Variants in RBM17 observed in about 807,000 individuals in gnomAD.
RBM17 encodes splicing factor 45.
Under a neutral mutation model 53.2 loss-of-function variants are expected in RBM17, and 7 were observed. The observed-to-expected ratio is 0.13, with a 90% confidence interval of 0.07 to 0.25. RBM17 has a LOEUF of 0.25. RBM17 is among the 10% of genes least tolerant of loss of function. RBM17 has a pLI of 1.00. For synonymous variants in RBM17, 167 were observed against 178.1 expected (o/e 0.94, Z 0.50); for missense variants, 257 against 496.7 (o/e 0.52, Z 4.59).
intron 5 of RBM17, chr10:6,108,397 G>GTT: frequency 2.3e-6 from 1 of 430,254 alleles, no homozygotes; most frequent in Admixed American, 4.4e-5. Context: ...GGTTCTCTTG[G>GTT]TTGTATTGTT....
chr10:6,097,847 G>A (rs1840598897), intron 2 of RBM17, among the ~76,000 whole-genome samples: 1 of 152,176 alleles, frequency 6.6e-6, no homozygotes, highest in Admixed American at 6.5e-5. Flanking sequence ...CCCAGGAGTG[G>A]GAATTTTTAA....
In RBM17 at chr10:6,098,556, GTTTTTTGTTTTTT is replaced by G. The variant is rs376601888; in HGVS notation, c.123+1375_123+1387del. 7.7e-3 allele frequency among the ~76,000 whole-genome samples: 678 copies of G among 87,886 alleles called. 62 individuals are homozygous for G. The highest frequency in any genetic ancestry group is 0.026 in the African/African-American group (632 of 24,720). The allele number at this position is 87,886 out of a possible 152,430, so 57.7% of individuals were successfully genotyped here. A position where few individuals can be genotyped will look rare whatever the true frequency, so the allele number is the denominator to read the frequency against. ...GTTTGAAAATTTCCGTAATACACAG[GTTTTTTGTTTTTT>G]TTTTTTTTTTTTTTTTTTTTTTTTG... On this transcript the variant is annotated intron_variant, in intron 2 of 11. Coordinates refer to ENST00000379888, the MANE Select transcript of RBM17 (RefSeq NM_032905.5).
rs1028936023 is a variant in RBM17, at chr10:6,110,093, A to T, written c.670A>T (p.Thr224Ser). The T allele has an allele frequency of 8.1e-6, 13 of 1,610,778 alleles. No homozygotes were observed. The highest frequency in any genetic ancestry group is 1.0e-5 in the Non-Finnish European group (12 of 1,178,316). ...GGAACAAGACAGACCGAGATCTCCA[A>T]CCGGACCTAGCAACTCCTTCCTCGC... ...YEEQDRPRSP[T>S]GPSNSFLANM... The change falls in exon 7 of 12, where the codon ACC (threonine) becomes TCC (serine). Residue 224 changes from threonine (T) to serine (S), a missense_variant. Around this residue, in one of 6 missense-constraint regions of RBM17, gnomAD observed 68 missense variants for 60.0 expected, o/e 1.13. Coordinates refer to ENST00000379888, the MANE Select transcript of RBM17 (RefSeq NM_032905.5).
intron 3 of RBM17, 67 bp from the exon 4 acceptor site, chr10:6,104,864 C>T: frequency 7.1e-7 from 1 of 1,399,466 alleles, no homozygotes; most frequent in South Asian, 1.2e-5. Context: ...TACGCTTTGA[C>T]CTGAATCCTG....
intron 10 of RBM17, chr10:6,115,013 C>T (rs1840894065): frequency 1.9e-6 from 1 of 517,110 alleles, no homozygotes; most frequent in Non-Finnish European, 3.4e-6. Flanking sequence ...AGGTCAGAGA[C>T]TGCCTAGCCC....
intron 1 of RBM17, among the ~76,000 whole-genome samples, chr10:6,094,929 G>A (rs1190828913): frequency 2.6e-5 from 4 of 152,176 alleles, no homozygotes; most frequent in African/African-American, 9.6e-5. Context: ...TTAGTCTGGG[G>A]ATAGAGCAGT....
At chr10:6,110,842 T>G (rs1347011609) in intron 7 of RBM17, among the ~76,000 whole-genome samples, 1 of 152,174 alleles carries the variant, frequency 6.6e-6, no homozygotes, top group Non-Finnish European at 1.5e-5. Flanking sequence ...TTTCAAGTGC[T>G]CAGTGACCAC....
intron 7 of RBM17, 118 bp downstream of exon 7, chr10:6,110,245 G>T: frequency 5.9e-6 from 5 of 841,458 alleles, no homozygotes; most frequent in Non-Finnish European, 8.6e-6. Flanking sequence ...GTGTGTGCAG[G>T]TCACACGGTA....
rs76515873 is a variant in RBM17 at position 6,103,273 on chromosome 10, C to G, written c.241-1658C>G. On this transcript the variant is annotated intron_variant, in intron 3 of 11. Coordinates refer to ENST00000379888, the MANE Select transcript of RBM17 (RefSeq NM_032905.5). ...GGTGAATTTTACCCCATCCTCCCCC[C>G]TCAGCATTGAGGGTATTAACATTTT... Among the ~76,000 whole-genome samples the G allele has an allele frequency of 1.3e-3, 194 of 152,272 alleles. 1 individual carries two copies. Among genetic ancestry groups the G allele is most frequent in the African/African-American group, 4.4e-3 (183 of 41,536 alleles).
intron 1 of RBM17, among the ~76,000 whole-genome samples, chr10:6,096,522 A>G (rs750340585): frequency 1.3e-5 from 2 of 152,180 alleles, no homozygotes; most frequent in Non-Finnish European, 2.9e-5. Flanking sequence ...AAATCAGAGT[A>G]TTTAAGATGT....
chr10:6,115,410 C>A (rs370327336), intron 11 of RBM17, 43 bp from the exon 12 acceptor site: 151 of 1,536,784 alleles, frequency 9.8e-5, no homozygotes, highest in Non-Finnish European at 1.3e-4. Flanking sequence ...AAACCTTTAT[C>A]TTATAGGATA....
chr10:6,090,170 C>T (rs1412484168), intron 1 of RBM17, among the ~76,000 whole-genome samples: 2 of 152,024 alleles, frequency 1.3e-5, no homozygotes, highest in African/African-American at 4.8e-5. Context: ...AAAGAAGCGC[C>T]ATTGAGGGTC....
rs376024631 is a variant in RBM17 at position 6,104,984 on chromosome 10, C to T, written c.294C>T (p.Asp98=). 6.5e-5 allele frequency: 105 copies of T among 1,613,698 alleles called. No individual in the cohort carries two copies. The African/African-American group carries it at 6.9e-4, about 11-fold the overall frequency. Residue 98 remains aspartate, a synonymous_variant, in exon 4 of 12, where the codon GAC becomes GAT. Transcript: ENST00000379888. ...SAGEVLIPLA[D]EYDPMFPNDY... ...GGGAAGTTCTGATTCCCTTAGCTGA[C>T]GAATATGACCCTATGTTTCCTAATG...
chr10:6,101,281 C>T lies in RBM17; in HGVS notation c.134C>T (p.Thr45Met), dbSNP rs758301231. The T allele has an allele frequency of 2.5e-5, 40 of 1,594,304 alleles. No individual in the cohort carries two copies. Among genetic ancestry groups the T allele is most frequent in the East Asian group, 2.0e-4 (9 of 44,064 alleles). Residue 45 changes from threonine (T) to methionine (M), a missense_variant, in exon 3 of 12, where the codon ACG becomes ATG. By Grantham distance (81) the Thr-to-Met change is moderately conservative. This residue lies in a region of RBM17 where 127 missense variants were observed against 217.2 expected (regional missense o/e 0.58). Transcript: ENST00000379888. ...AALTQAKSQRTKQSTVLAPVI... is the reference protein window; with the variant it reads ...AALTQAKSQRMKQSTVLAPVI... Reference sequence around the variant, plus strand: ...TTTTGATGATTTTAGAGCCAAAGGACGAAACAAAGTACAGTCCTCGCCCCA... The same window carrying T: ...TTTTGATGATTTTAGAGCCAAAGGATGAAACAAAGTACAGTCCTCGCCCCA...
At chr10:6,114,314 T>G (rs1840882888) in intron 10 of RBM17, 167 bp downstream of exon 10, 2 of 494,800 alleles carry the variant, frequency 4.0e-6, no homozygotes, top group African/African-American at 2.0e-5. Flanking sequence ...GTTTTAAACA[T>G]AAAGACAATG....
chr10:6,114,734 A>G (rs1449958714), intron 10 of RBM17: 1 of 158,826 alleles, frequency 6.3e-6, no homozygotes, highest in Non-Finnish European at 1.4e-5. Context: ...TGATTGGGAT[A>G]ATGGCTCGTA....
At chr10:6,091,575 T>C (rs1288571338) in intron 1 of RBM17, among the ~76,000 whole-genome samples, 1 of 152,220 alleles carries the variant, frequency 6.6e-6, no homozygotes, top group Admixed American at 6.5e-5. Context: ...AGTTATGTGC[T>C]TAAAAAGCAG....
In RBM17 at chr10:6,113,463, T is replaced by A. The variant is rs370885790; in HGVS notation, c.857-45T>A. On this transcript the variant is annotated intron_variant, in intron 8 of 11. Coordinates refer to ENST00000379888, the MANE Select transcript of RBM17 (RefSeq NM_032905.5). ...CAGTTCTGTAACACATCTAATGATA[T>A]GCTGCTCAGTTCTGTAACACATCTA... 5.4e-6 allele frequency: 7 copies of A among 1,290,860 alleles called. 1 individual carries two copies. Among genetic ancestry groups the A allele is most frequent in the Non-Finnish European group, 7.9e-6 (7 of 888,820 alleles). The allele number at this position is 1,290,860 out of a possible 1,614,324, so 80.0% of individuals were successfully genotyped here. A position where few individuals can be genotyped will look rare whatever the true frequency, so the allele number is the denominator to read the frequency against.
intron 5 of RBM17, among the ~76,000 whole-genome samples, chr10:6,106,658 T>C (rs2132948999): frequency 6.6e-6 from 1 of 152,378 alleles, no homozygotes; most frequent in African/African-American, 2.4e-5. Flanking sequence ...GTTTGGTTTT[T>C]ATTAACTTCT....
Sources: gnomAD v4.1 joint callset for allele counts (sites outside exome capture counted in the v4.1 genomes callset) on GRCh38, gnomAD v4.1.1 for gene constraint, gnomAD v4.1.1 regional missense constraint, MANE v1.5 for transcripts, NCBI Gene and HGNC (gene_info 2026-07-23, HGNC 2026-07-21) for gene names.